The following TRPA1 variants were observed in gnomAD, a reference collection of about 807,000 sequenced individuals.
TRPA1 encodes the protein transient receptor potential cation channel subfamily A member 1, also known as ankyrin-like with transmembrane domains 1.
Under a neutral mutation model 131.3 loss-of-function variants are expected in TRPA1, and 129 were observed. The ratio of observed to expected loss-of-function variants is 0.98; its 90% CI spans 0.85 to 1.14. TRPA1 has a LOEUF of 1.14. Among genes scored for constraint, TRPA1 ranks in the 50% most tolerant of loss-of-function variants. The probability of loss-of-function intolerance (pLI) is 0.00; values close to 1 mark genes in which losing one functional copy is unlikely to be tolerated. For missense variants in TRPA1, 1,304 were observed against 1,354.2 expected, an observed-to-expected ratio of 0.96 and a Z score of 0.58; for synonymous variants, 441 against 451.7, an observed-to-expected ratio of 0.98 and a Z score of 0.30.
intron 17 of TRPA1, among the ~76,000 whole-genome samples, chr8:72,043,234 A>T (rs892948606): frequency 2.6e-5 from 4 of 151,826 alleles, no homozygotes; most frequent in Non-Finnish European, 4.4e-5. Context: ...ATCCTTTTCT[A>T]TATTTCTACA....
chr8:72,052,754 A>C lies in TRPA1; in HGVS notation c.1656T>G (p.Leu552=), dbSNP rs1194917925. ...DRLDEDGNTA[L]HFAAREGHAK... is the part of the protein sequence containing the mutation. ...CGTGGCCTTCCCTTGCAGCAAAGTG[A>C]AGTGCAGTGTTCTTTTGAAGAAAAA... is the stretch of plus-strand genomic sequence containing the variant. The change falls in exon 14 of 27, where the codon CTT becomes CTG. Residue 552 remains leucine, a synonymous_variant. Coordinates refer to ENST00000262209, the MANE Select transcript of TRPA1 (RefSeq NM_007332.3). 1.9e-6 allele frequency: 3 copies of C among 1,613,074 alleles called. No homozygotes were observed. In the Admixed American group the frequency reaches 5.0e-5, roughly 27 times the overall value.
chr8:72,033,862 A>G, intron 22 of TRPA1, 36 bp from the exon 23 acceptor site: 1 of 1,591,250 alleles, frequency 6.3e-7, no homozygotes. Flanking sequence ...TGAAATGCAA[A>G]GTTTCTACAA....
chr8:72,082,515 G>A, the TRPA1 span, among the ~76,000 whole-genome samples: 1 of 151,952 alleles, frequency 6.6e-6, no homozygotes, highest in Non-Finnish European at 1.5e-5. Context: ...CAATATGAAG[G>A]ATTTCTTTTA....
At chr8:72,085,787 T>G in the TRPA1 span, among the ~76,000 whole-genome samples, 1 of 152,192 alleles carries the variant, frequency 6.6e-6, no homozygotes, top group East Asian at 1.9e-4. Context: ...TCTTTTCATA[T>G]GACTTAAAAA....
At chr8:72,073,684 G>A (rs532468153) in intron 1 of TRPA1, among the ~76,000 whole-genome samples, 1 of 152,180 alleles carries the variant, frequency 6.6e-6, no homozygotes, top group Non-Finnish European at 1.5e-5. Flanking sequence ...TTAGAAACAC[G>A]AAGACAAATA....
chr8:72,026,276 C>T (rs913552776), intron 24 of TRPA1, among the ~76,000 whole-genome samples: 3 of 152,234 alleles, frequency 2.0e-5, no homozygotes, highest in Non-Finnish European at 4.4e-5. Flanking sequence ...ACTGACAGGG[C>T]AGCAATCTGC....
intron 1 of TRPA1, among the ~76,000 whole-genome samples, chr8:72,072,319 G>T (rs959736938): frequency 2.0e-5 from 3 of 152,108 alleles, no homozygotes; most frequent in African/African-American, 7.2e-5. Context: ...AAGTATTAAG[G>T]TATTTAATGT....
Position 72,050,798 on chromosome 8 carries a change from A to C in TRPA1, c.1885T>G (p.Tyr629Asp). ...TTTACCTTCATGCATTCAGGGAGGT[A>C]TTCTATCATTTCTGTAATTGGACAT... Reference protein sequence around the residue: ...NKCPITEMIEYLPECMKVLLD... With the variant: ...NKCPITEMIEDLPECMKVLLD... Residue 629 changes from tyrosine to aspartate, a missense_variant, in exon 15 of 27, where the codon TAC becomes GAC. Coordinates refer to ENST00000262209, the MANE Select transcript of TRPA1 (RefSeq NM_007332.3). 1 of 1,610,938 alleles carries C rather than the reference A, an allele frequency of 6.2e-7. No individual in the cohort carries two copies. The highest frequency in any genetic ancestry group is 8.5e-7 in the Non-Finnish European group (1 of 1,177,996).
chr8:72,030,620 A>T (rs1341524953), intron 23 of TRPA1, among the ~76,000 whole-genome samples: 2 of 152,128 alleles, frequency 1.3e-5, no homozygotes, highest in Non-Finnish European at 2.9e-5. Context: ...TGTTTTTTTT[A>T]AATGAGAGGG....
chr8:72,029,255 C>T (rs1811718443), intron 24 of TRPA1, among the ~76,000 whole-genome samples: 1 of 152,178 alleles, frequency 6.6e-6, no homozygotes. Context: ...ATATAAGGAG[C>T]TCCTTTGAAC....
intron 12 of TRPA1, 177 bp from the exon 13 acceptor site, chr8:72,054,044 T>C: frequency 1.6e-6 from 1 of 613,604 alleles, no homozygotes; most frequent in Non-Finnish European, 2.9e-6. Flanking sequence ...CTCAATGATC[T>C]TAAATGACCT....
rs1468453355 is a variant in TRPA1 at position 72,061,724 on chromosome 8, T to C, written c.845A>G (p.Gln282Arg). The C allele has an allele frequency of 2.5e-6, 4 of 1,614,072 alleles. No individual in the cohort carries two copies. The East Asian group carries it at 6.7e-5, about 27-fold the overall frequency. ...CAGTTTAACAATCTCAGTGGCTCCC[T>C]GGGTGGCAGCAAAATGAATGGCTGT... ...RCTAIHFAAT[Q>R]GATEIVKLMI... is the part of the protein sequence containing the mutation. The change falls in exon 7 of 27, where the codon CAG becomes CGG. Residue 282 changes from glutamine (Q) to arginine (R), a missense_variant. Gln to Arg is a conservative substitution (Grantham distance 43, BLOSUM62 1). Coordinates refer to ENST00000262209, the MANE Select transcript of TRPA1 (RefSeq NM_007332.3).
In TRPA1 at chr8:72,052,704, C is replaced by A. The variant is rs1169080523; in HGVS notation, c.1706G>T (p.Ser569Ile). ...GTTCAGGACTATGTCAGCATTGTGG[C>A]TCAGAAGAAGCGCAACGGCTTTGGC... is the stretch of plus-strand genomic sequence containing the variant. ...GHAKAVALLL[S>I]HNADIVLNKQ... The change falls in exon 14 of 27, where the codon AGC becomes ATC. Residue 569 changes from serine to isoleucine, a missense_variant. Physicochemically the swap from Ser to Ile is moderately radical, Grantham distance 142. Transcript: ENST00000262209. The A allele has an allele frequency of 1.9e-6, 3 of 1,613,852 alleles. No homozygotes were observed. The highest frequency in any genetic ancestry group is 3.3e-5 in the Admixed American group (2 of 59,970).
At chr8:72,036,569 G>T in intron 20 of TRPA1, 112 bp from the exon 21 acceptor site, 1 of 1,012,190 alleles carries the variant, frequency 9.9e-7, no homozygotes, top group Non-Finnish European at 1.5e-6. Context: ...CAGCTGGGGA[G>T]AAGTTTAGGA....
intron 14 of TRPA1, among the ~76,000 whole-genome samples, chr8:72,051,694 A>C (rs1805513180): frequency 2.0e-5 from 3 of 152,182 alleles, no homozygotes; most frequent in African/African-American, 7.2e-5. Flanking sequence ...ACTAGGTGAC[A>C]CTGGGCCCTC....
upstream of TRPA1, among the ~76,000 whole-genome samples, chr8:72,077,489 T>C (rs949812583): frequency 5.9e-5 from 9 of 152,234 alleles, no homozygotes; most frequent in African/African-American, 1.9e-4. Context: ...TCTTTAACAC[T>C]GAAAAATACA....
In TRPA1 at chr8:72,038,912, C is replaced by T. The variant is rs1812151095; in HGVS notation, c.2248G>A (p.Gly750Ser). ...IKPGMAFNST[G>S]IINETSDHSE... ...TGATCACTAGTTTCATTGATGATGC[C>T]AGTTGAGTTGAAAGCCATTCCTGGT... The change falls in exon 19 of 27, where the codon GGC becomes AGC. Residue 750 changes from glycine to serine, a missense_variant. Gly to Ser is a moderately conservative substitution (Grantham distance 56). Transcript: ENST00000262209. The T allele has an allele frequency of 3.1e-6, 5 of 1,612,556 alleles. No homozygotes were observed. The highest frequency in any genetic ancestry group is 3.4e-6 in the Non-Finnish European group (4 of 1,179,266).
intron 2 of TRPA1, among the ~76,000 whole-genome samples, chr8:72,069,672 C>A (rs959300575): frequency 6.6e-6 from 1 of 151,600 alleles, no homozygotes; most frequent in African/African-American, 2.4e-5. Context: ...CATCACAGAG[C>A]TAGTAAGGAA....
At chr8:72,052,461 A>G (rs1805533175) in intron 14 of TRPA1, 138 bp downstream of exon 14, 1 of 1,032,846 alleles carries the variant, frequency 9.7e-7, no homozygotes, top group South Asian at 1.5e-5. Context: ...AAACCTTTAA[A>G]AAATTGATGT....
Sources: gnomAD v4.1 joint callset for allele counts (sites outside exome capture counted in the v4.1 genomes callset) on GRCh38, gnomAD v4.1.1 for gene constraint, MANE v1.5 for transcripts, NCBI Gene and HGNC (gene_info 2026-07-23, HGNC 2026-07-21) for gene names.